GNL3L: variants seen among roughly 807,000 people sequenced by gnomAD.
GNL3L encodes guanine nucleotide-binding protein-like 3-like protein.
GNL3L carries 4 observed loss-of-function variants against 42.9 expected under a neutral mutation model. The ratio of observed to expected loss-of-function variants is 0.09; its 90% CI spans 0.05 to 0.21. The LOEUF (loss-of-function observed/expected upper bound fraction) is 0.21. Ranked by LOEUF, GNL3L falls within the 10% of genes least tolerant of loss-of-function variation. The probability of loss-of-function intolerance (pLI) is 1.00; values close to 1 mark genes in which losing one functional copy is unlikely to be tolerated. For missense variants in GNL3L, 412 were observed against 481.7 expected (o/e 0.86, Z 1.36); for synonymous variants, 159 against 176.3 (o/e 0.90, Z 0.78).
downstream of GNL3L, among the ~76,000 whole-genome samples, chrX:54,570,343 T>C (rs1309160593): frequency 8.9e-6 from 1 of 112,373 alleles, no homozygotes; most frequent in Non-Finnish European, 1.9e-5. Context: ...ATGCATTTTG[T>C]CTAGTATAAA....
chrX:54,544,366 A>C, intron 8 of GNL3L, 40 bp downstream of exon 8: 1 of 715,605 alleles, frequency 1.4e-6, no homozygotes, highest in Non-Finnish European at 2.2e-6. Flanking sequence ...CTTTCAGGGT[A>C]GTTTGGGGCC....
intron 2 of GNL3L, among the ~76,000 whole-genome samples, chrX:54,536,778 T>C (rs144676608): frequency 0.12 from 10,455 of 88,935 alleles, 1,225 homozygotes; most frequent in African/African-American, 0.33. Flanking sequence ...GAGCGAGACT[T>C]TGTCTCAAAA....
Position 54,530,594 on chromosome X carries a change from A to G in GNL3L, c.-48+175A>G, listed in dbSNP as rs949456040. Among the ~76,000 whole-genome samples the G allele has an allele frequency of 2.7e-5, 3 of 111,860 alleles. No individual in the cohort carries two copies. In the East Asian group the frequency reaches 8.6e-4, roughly 32 times the overall value. ...CGGGACACACTGTGTAGAGAGGCAC[A>G]AACTTCACTTGTGTGGTGAAGCGTT... is the stretch of plus-strand genomic sequence containing the variant. On this transcript the variant is annotated intron_variant, in intron 1 of 15. Coordinates refer to ENST00000360845, the MANE Select transcript of GNL3L (RefSeq NM_001184819.2).
chrX:54,563,250 G>A lies in GNL3L; in HGVS notation c.*2648G>A, dbSNP rs944122877. Among the ~76,000 whole-genome samples, 2 of 111,241 alleles carry A rather than the reference G, an allele frequency of 1.8e-5. No homozygotes were observed. Among genetic ancestry groups the A allele is most frequent in the African/African-American group, 3.3e-5 (1 of 30,609 alleles). ...CCCCGACTTTTGGTGGTTTGATGTG[G>A]GATTTTTGGTGGAAAAGCAGTATAC... is the stretch of plus-strand genomic sequence containing the variant. On this transcript the variant is annotated 3_prime_UTR_variant, in exon 16 of 16. Transcript: ENST00000360845.
downstream of GNL3L, among the ~76,000 whole-genome samples, chrX:54,570,748 G>A (rs1925533200): frequency 9.0e-6 from 1 of 110,504 alleles, no homozygotes; most frequent in Non-Finnish European, 1.9e-5. Flanking sequence ...AGAGTTTATA[G>A]TATAAATGTT....
chrX:54,579,939 A>G (rs1421130523), intron 16 of GNL3L, among the ~76,000 whole-genome samples: 1 of 106,016 alleles, frequency 9.4e-6, no homozygotes, highest in African/African-American at 3.6e-5. Flanking sequence ...CGGCCTCCCA[A>G]AGTGCTGGGA....
chrX:54,609,700 T>C (rs80221020), intron 16 of GNL3L, among the ~76,000 whole-genome samples: 1 of 112,134 alleles, frequency 8.9e-6, no homozygotes, highest in African/African-American at 3.2e-5. Flanking sequence ...TCTGTTCCAT[T>C]GATCTATGTG....
chrX:54,569,543 A>G (rs760695560), downstream of GNL3L, among the ~76,000 whole-genome samples: 1 of 112,159 alleles, frequency 8.9e-6, no homozygotes, highest in African/African-American at 3.2e-5. Context: ...AGAAAATGCA[A>G]AGTAGTTAGA....
the GNL3L span, among the ~76,000 whole-genome samples, chrX:54,643,774 C>T: frequency 4.5e-5 from 5 of 111,493 alleles, no homozygotes; most frequent in Non-Finnish European, 9.4e-5. Context: ...ATCCCCACCT[C>T]TCCACTACCC....
chrX:54,549,219 G>A (rs780779301), intron 9 of GNL3L, among the ~76,000 whole-genome samples: 1 of 111,418 alleles, frequency 9.0e-6, no homozygotes, highest in East Asian at 2.8e-4. Context: ...AGATACAGAG[G>A]AACACATACA....
intron 16 of GNL3L, among the ~76,000 whole-genome samples, chrX:54,600,206 CTTTTTTTTTTTTTT>C (rs1172527598): frequency 3.6e-3 from 48 of 13,396 alleles, no homozygotes; most frequent in South Asian, 4.3e-3. Flanking sequence ...CAATCTGCTG[CTTTTTTTTTTTTTT>C]TTTTTTTTTT....
chrX:54,563,598 A>G lies in GNL3L; in HGVS notation c.*2996A>G, dbSNP rs1020010604. 9.0e-6 allele frequency among the ~76,000 whole-genome samples: 1 copy of G among 110,823 alleles called. No homozygotes were observed. The highest frequency in any genetic ancestry group is 3.3e-5 in the African/African-American group (1 of 30,446). ...CAGGAGTTCAAGACCAGCCTAAACA[A>G]TATGGCGAAACCTCATCTCTACCAA... On this transcript the variant is annotated 3_prime_UTR_variant, in exon 16 of 16. Transcript: ENST00000360845.
At chrX:54,558,400 T>C in intron 14 of GNL3L, 36 bp from the exon 15 acceptor site, 2 of 1,005,496 alleles carry the variant, frequency 2.0e-6, no homozygotes, top group Non-Finnish European at 2.8e-6. Flanking sequence ...CTCTGGGGGT[T>C]AAGACCTCAT....
chrX:54,568,933 A>ACTTAAAAGGACT (rs1211756753), downstream of GNL3L, among the ~76,000 whole-genome samples: 1 of 112,100 alleles, frequency 8.9e-6, no homozygotes, highest in Non-Finnish European at 1.9e-5. Flanking sequence ...CCTGCCTCTC[A>ACTTAAAAGGACT]CTTAAAAGGA....
downstream of GNL3L, among the ~76,000 whole-genome samples, chrX:54,570,493 A>T (rs186088003): frequency 2.2e-4 from 25 of 111,970 alleles, no homozygotes; most frequent in African/African-American, 5.2e-4. Context: ...TTTTTATCCA[A>T]TTTGACAGTC....
At position 54,600,287 on chromosome X, in the gene GNL3L, C is replaced by T. The variant is rs1406346601; in HGVS notation, c.*46-20558C>T. 1.2e-4 allele frequency among the ~76,000 whole-genome samples: 10 copies of T among 81,208 alleles called. No homozygotes were observed. The East Asian group carries it at 3.2e-3, about 26-fold the overall frequency. 70.5% of individuals were successfully genotyped at this position (81,208 alleles called of 115,157 possible). A position where few individuals can be genotyped will look rare whatever the true frequency, so the allele number is the denominator to read the frequency against. On this transcript the variant is annotated intron_variant, in intron 16 of 16. Coordinates refer to the GNL3L transcript ENST00000674498. ...TGTTGCCCAGGCTGGAGTGCAGTGG[C>T]GTGATCTTGGCTCAGTGCAACCTCT...
At chrX:54,539,197 A>G in intron 3 of GNL3L, 96 bp downstream of exon 3, 4 of 445,495 alleles carry the variant, frequency 9.0e-6, no homozygotes, top group Non-Finnish European at 1.5e-5. Context: ...GACTCTGGAC[A>G]GAGTGCCACA....
intron 16 of GNL3L, among the ~76,000 whole-genome samples, chrX:54,619,766 C>T (rs1394574323): frequency 9.0e-6 from 1 of 110,975 alleles, no homozygotes. Context: ...TGGATGTTAC[C>T]TGGTGCCAAT....
downstream of GNL3L, among the ~76,000 whole-genome samples, chrX:54,571,615 G>GT (rs1164576501): frequency 9.3e-6 from 1 of 107,975 alleles, no homozygotes; most frequent in Non-Finnish European, 1.9e-5. Context: ...GATTATAGGC[G>GT]TGCACTGCTG....
Sources: gnomAD v4.1 joint callset for allele counts (sites outside exome capture counted in the v4.1 genomes callset) on GRCh38, gnomAD v4.1.1 for gene constraint, MANE v1.5 for transcripts, NCBI Gene and HGNC (gene_info 2026-07-23, HGNC 2026-07-21) for gene names.